PRMT2: variants seen among roughly 807,000 people sequenced by gnomAD.
PRMT2 encodes protein arginine N-methyltransferase 2.
PRMT2 carries 26 observed loss-of-function variants against 57.6 expected under a neutral mutation model. The observed-to-expected ratio is 0.45, with a 90% CI of 0.33 to 0.63. PRMT2 has a LOEUF of 0.63. Ranked by LOEUF, PRMT2 falls within the 20% of genes least tolerant of loss-of-function variation. PRMT2 has a pLI of 0.02. For synonymous variants in PRMT2, 219 were observed against 220.0 expected, an observed-to-expected ratio of 1.00 and a Z score of 0.04; for missense variants, 472 against 564.4, an observed-to-expected ratio of 0.84 and a Z score of 1.66.
chr21:46,654,214 G>T, intron 7 of PRMT2: 1 of 793,836 alleles, frequency 1.3e-6, no homozygotes, highest in Non-Finnish European at 1.5e-6. Context: ...GTTTAAAATG[G>T]GGAGAAAATT....
chr21:46,648,352 G>A lies in PRMT2; in HGVS notation c.328-106G>A. The A allele has an allele frequency of 1.6e-6, 2 of 1,227,102 alleles. No individual in the cohort carries two copies. Among genetic ancestry groups the A allele is most frequent in the South Asian group, 1.4e-5 (1 of 72,114 alleles). The allele number at this position is 1,227,102 out of a possible 1,614,324, so 76.0% of individuals were successfully genotyped here. On this transcript the variant is annotated intron_variant, in intron 5 of 11. Coordinates refer to ENST00000355680, the MANE Select transcript of PRMT2 (RefSeq NM_206962.4). This position sits in a 1 kb window ranked among gnomAD's most constrained non-coding sequence, Gnocchi z 4.8. ...GCCTTCCATAGTCTTCCATAGGGGT[G>A]TTGGGGTCAGGGGTCATCAGCTGTG... is the stretch of plus-strand genomic sequence containing the variant.
intron 7 of PRMT2, chr21:46,654,797 T>A (rs1042267687): frequency 6.2e-5 from 39 of 633,566 alleles, no homozygotes; most frequent in Non-Finnish European, 7.5e-5. Context: ...TATGGGGGAC[T>A]TTAGCATCCA....
intron 7 of PRMT2, chr21:46,654,140 T>G: frequency 1.0e-6 from 1 of 985,222 alleles, no homozygotes; most frequent in Non-Finnish European, 1.2e-6. Flanking sequence ...TTTGATGAAA[T>G]TATCCTAAGG....
intron 7 of PRMT2, chr21:46,657,459 C>G (rs1325546006): frequency 6.6e-6 from 1 of 151,836 alleles, no homozygotes; most frequent in East Asian, 1.9e-4. Flanking sequence ...TGCGTCCACA[C>G]AGTGGAATAC....
At chr21:46,644,555 G>C in intron 5 of PRMT2, 67 bp downstream of exon 5, 1 of 1,463,884 alleles carries the variant, frequency 6.8e-7, no homozygotes. Flanking sequence ...TAGTTCTACT[G>C]CAACGTTCAG....
intron 7 of PRMT2, chr21:46,651,665 C>T (rs1385208090): frequency 2.1e-6 from 2 of 951,342 alleles, no homozygotes; most frequent in East Asian, 2.6e-5. Flanking sequence ...GCCAAGGAGG[C>T]CCAGAACAGG....
chr21:46,653,307 C>CA, intron 7 of PRMT2: 1 of 985,432 alleles, frequency 1.0e-6, no homozygotes, highest in Non-Finnish European at 1.2e-6. Context: ...CTCATGAAAA[C>CA]AGGCACGTGG....
chr21:46,661,058 TG>T, intron 9 of PRMT2, 96 bp downstream of exon 9: 1 of 1,280,496 alleles, frequency 7.8e-7, no homozygotes. Context: ...CAGTGAGTGC[TG>T]GGGGTGTGAG....
rs550675596 is a variant in PRMT2, at chr21:46,654,058, G to C, written c.654+4319G>C. On this transcript the variant is annotated intron_variant, in intron 7 of 11. Coordinates refer to ENST00000355680, the MANE Select transcript of PRMT2 (RefSeq NM_206962.4). The stretch of plus-strand genomic sequence containing the variant: ...ACCTCGGGGGAGGAGGAAGGAGGAG[G>C]AGCTGGTGGGTGCTGAGACTGCAGT... 6.7e-5 allele frequency: 66 copies of C among 988,662 alleles called. No homozygotes were observed. The Middle Eastern group carries it at 1.6e-3, about 23-fold the overall frequency. 61.2% of individuals were successfully genotyped at this position (988,662 alleles called of 1,614,324 possible). A position where few individuals can be genotyped will look rare whatever the true frequency, so the allele number is the denominator to read the frequency against.
At chr21:46,644,672 T>G (rs575045084) in intron 5 of PRMT2, among the ~76,000 whole-genome samples, 184 bp downstream of exon 5, 58 of 152,368 alleles carry the variant, frequency 3.8e-4, no homozygotes, top group African/African-American at 1.3e-3. Flanking sequence ...TGCACTGTTG[T>G]GTTCCAATAA....
intron 2 of PRMT2, 102 bp from the exon 3 acceptor site, chr21:46,636,790 TTTAC>T: frequency 3.2e-6 from 2 of 623,496 alleles, no homozygotes; most frequent in African/African-American, 1.9e-5. Flanking sequence ...ACATACACAT[TTTAC>T]TTCTATTTGG....
At position 46,661,624 on chromosome 21, in the gene PRMT2, T is replaced by C. The variant is rs373080749; in HGVS notation, c.961-176T>C. 580 of 502,688 alleles carry C rather than the reference T, an allele frequency of 1.2e-3. 10 individuals carry two copies. The East Asian group carries it at 0.018, about 15-fold the overall frequency. 31.1% of individuals were successfully genotyped at this position (502,688 alleles called of 1,614,324 possible). A position where few individuals can be genotyped will look rare whatever the true frequency, so the allele number is the denominator to read the frequency against. ...CTCAGATGCTTGAAACGTTTCTGAC[T>C]GAAGCCTCTGAACTCACGATGCGGG... On this transcript the variant is annotated intron_variant, in intron 9 of 11. Transcript: ENST00000355680.
In PRMT2 at chr21:46,661,894, AG is replaced by A; in HGVS notation, c.1059del (p.Gln354SerfsTer23). 7.3e-7 allele frequency: 1 copy of A among 1,376,210 alleles called. No homozygotes were observed. Among genetic ancestry groups the A allele is most frequent in the Non-Finnish European group, 9.6e-7 (1 of 1,044,378 alleles). The allele number at this position is 1,376,210 out of a possible 1,614,324, so 85.2% of individuals were successfully genotyped here. A position where few individuals can be genotyped will look rare whatever the true frequency, so the allele number is the denominator to read the frequency against. On this transcript the variant is annotated frameshift_variant, in exon 10 of 12. Coordinates refer to ENST00000355680, the MANE Select transcript of PRMT2 (RefSeq NM_206962.4). LOFTEE classifies it high-confidence loss of function. ...AGCGTCCACTTCCAGAGCCTGCAGG[AG>A]GGGCAGCCGCCGCAGGTGCTCAGCA... ...WFSVHFQSLQ[E>X]GQPPQVLSTG...
chr21:46,646,336 A>G (rs1429552110), intron 5 of PRMT2, among the ~76,000 whole-genome samples: 2 of 152,244 alleles, frequency 1.3e-5, no homozygotes, highest in Non-Finnish European at 1.5e-5. Context: ...GGAAAGATAC[A>G]TAATGAAAAG....
chr21:46,660,327 A>G (rs2061600954), intron 8 of PRMT2, among the ~76,000 whole-genome samples: 1 of 152,048 alleles, frequency 6.6e-6, no homozygotes, highest in Non-Finnish European at 1.5e-5. Context: ...TTCTCCTGAA[A>G]CTCAGACTCA....
chr21:46,660,277 C>G (rs1334152506), intron 8 of PRMT2: 2 of 588,866 alleles, frequency 3.4e-6, no homozygotes, highest in Non-Finnish European at 4.3e-6. Context: ...CGTCTAGTGT[C>G]TGTTTCTGTG....
At chr21:46,637,922 G>A (rs1288235866) in intron 3 of PRMT2, among the ~76,000 whole-genome samples, 1 of 151,916 alleles carries the variant, frequency 6.6e-6, no homozygotes, top group African/African-American at 2.4e-5. Context: ...CCTGTGAATA[G>A]CCACTGCATT....
At chr21:46,661,448 T>TG (rs913857623) in intron 9 of PRMT2, 15 of 176,802 alleles carry the variant, frequency 8.5e-5, no homozygotes, top group Non-Finnish European at 1.3e-4. Flanking sequence ...CGTCTGGAGA[T>TG]GGGGCGGGCG....
rs1358669096 is a variant in PRMT2, at chr21:46,649,365, G to T, written c.490-210G>T. The T allele has an allele frequency of 2.8e-5, 20 of 720,644 alleles. No individual in the cohort carries two copies. The highest frequency in any genetic ancestry group is 8.1e-5 in the East Asian group (3 of 37,060). The allele number at this position is 720,644 out of a possible 1,614,324, so 44.6% of individuals were successfully genotyped here. On this transcript the variant is annotated intron_variant, in intron 6 of 11. Transcript: ENST00000355680. This position sits in a 1 kb window ranked among gnomAD's most constrained non-coding sequence, Gnocchi z 4.8. ...CCTGCGTCTGTGTCTTGTCCGGGAG[G>T]TGGGGGCAGTTGGGAGGGTTAGAGG... is the stretch of plus-strand genomic sequence containing the variant.
Sources: gnomAD v4.1 joint callset for allele counts (sites outside exome capture counted in the v4.1 genomes callset) on GRCh38, gnomAD v4.1.1 for gene constraint, Gnocchi (gnomAD v3.1) non-coding constraint, MANE v1.5 for transcripts, NCBI Gene and HGNC (gene_info 2026-07-23, HGNC 2026-07-21) for gene names.